OTUD7B: variants seen among roughly 807,000 people sequenced by gnomAD.
OTUD7B encodes the protein OTU domain-containing protein 7B.
In OTUD7B, 34 loss-of-function variants were observed where a neutral mutation model predicts 82.2. The observed-to-expected ratio is 0.41, with a 90% confidence interval of 0.31 to 0.55. The LOEUF is 0.55. OTUD7B is among the 20% of genes least tolerant of loss of function. OTUD7B has a pLI of 0.20. For missense variants in OTUD7B, 944 were observed against 1,062.1 expected (o/e 0.89, Z 1.55); for synonymous variants, 398 against 402.7 (o/e 0.99, Z 0.14).
chr1:150,050,210 T>G, the OTUD7B span, among the ~76,000 whole-genome samples: 10 of 151,926 alleles, frequency 6.6e-5, no homozygotes, highest in African/African-American at 2.4e-4. Flanking sequence ...AAAAGCATGC[T>G]TTACATGATA....
chr1:149,951,225 C>A (rs782318965), intron 7 of OTUD7B, among the ~76,000 whole-genome samples: 11 of 152,076 alleles, frequency 7.2e-5, no homozygotes, highest in Non-Finnish European at 1.3e-4. Flanking sequence ...CCCGCCTCGG[C>A]CTCCCAAAGT....
chr1:150,001,774 T>C (rs74126208), intron 1 of OTUD7B, among the ~76,000 whole-genome samples: 4,021 of 152,200 alleles, frequency 0.026, 189 homozygotes, highest in African/African-American at 0.092. Flanking sequence ...AAGGCCCTTC[T>C]CTGGGGAAGA....
chr1:150,041,659 C>T, the OTUD7B span, among the ~76,000 whole-genome samples: 1 of 152,218 alleles, frequency 6.6e-6, no homozygotes, highest in South Asian at 2.1e-4. Flanking sequence ...TATTTTCTCT[C>T]CTTCTCCATC....
chr1:149,944,775 C>A lies in OTUD7B; in HGVS notation c.1614G>T (p.Gly538=), dbSNP rs782281833. The part of the protein sequence containing the change: ...KGSKPGGVGT[G]LGGSSGTETL... ...TCTCAGTGCCGCTGCTTCCTCCCAA[C>A]CCTGTCCCCACCCCTCCAGGCTTTG... is the stretch of plus-strand genomic sequence containing the variant. Residue 538 remains glycine, a synonymous_variant, in exon 12 of 12, where the codon GGG becomes GGT. Coordinates refer to ENST00000581312, the MANE Select transcript of OTUD7B (RefSeq NM_020205.4). 31 of 1,614,004 alleles carry A rather than the reference C, an allele frequency of 1.9e-5. No homozygotes were observed. The highest frequency in any genetic ancestry group is 2.6e-5 in the Non-Finnish European group (31 of 1,180,028).
rs181853716 is a variant in OTUD7B, at chr1:149,941,844, G to A, written c.*2013C>T. 1 of 152,010 alleles carries A rather than the reference G, an allele frequency of 6.6e-6. No homozygotes were observed. The highest frequency in any genetic ancestry group is 1.9e-4 in the East Asian group (1 of 5,176). 9.4% of individuals were successfully genotyped at this position (152,010 alleles called of 1,614,324 possible). ...AGTAACCCTTAAATTTTGCAACTTAGGGGAGTGCTCATCTCATACCAGGTT... is the reference window on the plus strand; with the variant it reads ...AGTAACCCTTAAATTTTGCAACTTAAGGGAGTGCTCATCTCATACCAGGTT... On this transcript the variant is annotated 3_prime_UTR_variant, in exon 12 of 12. Transcript: ENST00000581312.
intron 2 of OTUD7B, among the ~76,000 whole-genome samples, chr1:149,973,450 G>A (rs1553777980): frequency 6.6e-6 from 1 of 152,134 alleles, no homozygotes; most frequent in Non-Finnish European, 1.5e-5. Context: ...AAATCAAATA[G>A]TCCTATTGAA....
chr1:149,948,693 A>C (rs1647954715), intron 10 of OTUD7B, among the ~76,000 whole-genome samples: 2 of 152,096 alleles, frequency 1.3e-5, no homozygotes, highest in Non-Finnish European at 2.9e-5. Flanking sequence ...TTTCTGATCA[A>C]TGTTTTAGAG....
intron 8 of OTUD7B, 113 bp from the exon 9 acceptor site, chr1:149,949,891 T>A: frequency 1.5e-6 from 2 of 1,331,032 alleles, no homozygotes; most frequent in Non-Finnish European, 2.1e-6. Flanking sequence ...ACATGTTTAA[T>A]AATTCTTTCC....
chr1:150,011,307 G>A (rs781893062), upstream of OTUD7B, among the ~76,000 whole-genome samples: 5 of 152,122 alleles, frequency 3.3e-5, no homozygotes, highest in East Asian at 3.9e-4. Context: ...CTTACATAGT[G>A]CGTTTGTTAT....
intron 7 of OTUD7B, among the ~76,000 whole-genome samples, chr1:149,956,840 T>C (rs1395116446): frequency 1.3e-5 from 2 of 152,242 alleles, no homozygotes; most frequent in African/African-American, 2.4e-5. Context: ...TACTGAAGCT[T>C]GTGCACGCGT....
At chr1:150,040,509 A>T in the OTUD7B span, among the ~76,000 whole-genome samples, 1 of 152,314 alleles carries the variant, frequency 6.6e-6, no homozygotes, top group East Asian at 1.9e-4. Flanking sequence ...ATTTACATTT[A>T]TAAATGAGAT....
chr1:150,022,426 A>AAAAAT, the OTUD7B span, among the ~76,000 whole-genome samples: 164 of 100,820 alleles, frequency 1.6e-3, 48 homozygotes, highest in African/African-American at 6.0e-3. Flanking sequence ...AAAAAAAATA[A>AAAAAT]CTACATGCTG....
At chr1:150,027,307 C>T in the OTUD7B span, among the ~76,000 whole-genome samples, 8 of 152,168 alleles carry the variant, frequency 5.3e-5, no homozygotes, top group Non-Finnish European at 8.8e-5. Context: ...AAGGTAAAGC[C>T]GGGCACAGTG....
rs1376360627 is a variant in OTUD7B at position 149,950,975 on chromosome 1, G to GTTTTTTTTT, written c.846-755_846-754insAAAAAAAAA. Among the ~76,000 whole-genome samples, 14 of 12,250 alleles carry GTTTTTTTTT rather than the reference G, an allele frequency of 1.1e-3. 2 individuals are homozygous for GTTTTTTTTT. The highest frequency in any genetic ancestry group is 2.8e-3 in the South Asian group (1 of 356). 8.0% of individuals were successfully genotyped at this position (12,250 alleles called of 152,430 possible). A position where few individuals can be genotyped will look rare whatever the true frequency, so the allele number is the denominator to read the frequency against. Reference sequence around the variant, plus strand: ...CCCGGTCTAATTTTTTGTACTTTTTGTATTTTTTTTTTTTTTTTTTTTTTG... The same window carrying GTTTTTTTTT: ...CCCGGTCTAATTTTTTGTACTTTTTGTTTTTTTTTTATTTTTTTTTTTTTTTTTTTTTTG... On this transcript the variant is annotated intron_variant, in intron 7 of 11. Coordinates refer to ENST00000581312, the MANE Select transcript of OTUD7B (RefSeq NM_020205.4).
chr1:149,974,188 C>T (rs1650132103), intron 2 of OTUD7B, among the ~76,000 whole-genome samples: 1 of 152,176 alleles, frequency 6.6e-6, no homozygotes, highest in South Asian at 2.1e-4. Context: ...GCTTCAACCT[C>T]CTGAGTAGCT....
intron 5 of OTUD7B, among the ~76,000 whole-genome samples, 182 bp downstream of exon 5, chr1:149,965,595 C>T (rs1553776398): frequency 2.6e-5 from 4 of 152,204 alleles, no homozygotes; most frequent in African/African-American, 9.7e-5. Context: ...AAAGGTAGGG[C>T]TCACTCCCAT....
intron 1 of OTUD7B, among the ~76,000 whole-genome samples, chr1:149,982,841 C>CCTTT (rs1650861275): frequency 9.5e-5 from 8 of 84,164 alleles, no homozygotes; most frequent in South Asian, 5.0e-4. Flanking sequence ...TCCTCTCTTA[C>CCTTT]TTTTTTTTTT....
At chr1:149,967,154 A>G in intron 4 of OTUD7B, 140 bp downstream of exon 4, 3 of 570,752 alleles carry the variant, frequency 5.3e-6, no homozygotes, top group Non-Finnish European at 9.4e-6. Context: ...TGACAGCACA[A>G]GTTTATCCCA....
intron 7 of OTUD7B, among the ~76,000 whole-genome samples, chr1:149,950,586 C>A (rs919835552): frequency 1.3e-5 from 2 of 152,156 alleles, no homozygotes; most frequent in African/African-American, 4.8e-5. Flanking sequence ...ATTTTATATA[C>A]TACAGCCACC....
Sources: allele counts gnomAD v4.1 joint callset (sites outside exome capture counted in the v4.1 genomes callset), GRCh38; gene constraint gnomAD v4.1.1; transcripts MANE v1.5; gene names NCBI Gene and HGNC (gene_info 2026-07-23, HGNC 2026-07-21).